TULP4: variants seen among roughly 807,000 people sequenced by gnomAD.
TULP4 encodes the protein TUB like protein 4, also known as tubby-related protein 4.
TULP4 carries 16 observed loss-of-function variants against 129.0 expected under a neutral mutation model. The ratio of observed to expected loss-of-function variants is 0.12; its 90% CI spans 0.08 to 0.19. TULP4 has a LOEUF of 0.19. TULP4 is among the 10% of genes least tolerant of loss of function. The probability of loss-of-function intolerance (pLI) is 1.00; values close to 1 mark genes in which losing one functional copy is unlikely to be tolerated. For synonymous variants in TULP4, 998 were observed against 854.0 expected (o/e 1.17, Z -2.94); for missense variants, 1,842 against 2,059.1 (o/e 0.89, Z 2.04).
intron 1 of TULP4, among the ~76,000 whole-genome samples, chr6:158,362,219 C>T (rs1228152564): frequency 6.6e-6 from 1 of 152,198 alleles, no homozygotes; most frequent in East Asian, 1.9e-4. Context: ...TCCAATATAT[C>T]CTGCAAAATG....
chr6:158,493,601 A>C lies in TULP4; in HGVS notation c.1660A>C (p.Lys554Gln). ...CAGCATTGAGGCCCGCAAGTCACCC[A>C]AGCTGCCCCGGGCTGCTCAGGAGCT... is the stretch of plus-strand genomic sequence containing the variant. ...RISIEARKSP[K>Q]LPRAAQELSR... The change falls in exon 10 of 14, where the codon AAG (lysine) becomes CAG (glutamine). Residue 554 changes from lysine to glutamine, a missense_variant. Physicochemically the swap from Lys to Gln is moderately conservative, Grantham distance 53. Coordinates refer to ENST00000367097, the MANE Select transcript of TULP4 (RefSeq NM_020245.5). This position sits in a 1 kb window ranked among gnomAD's most constrained non-coding sequence, Gnocchi z 4.4. 2 of 1,560,460 alleles carry C rather than the reference A, an allele frequency of 1.3e-6. No individual in the cohort carries two copies. Among genetic ancestry groups the C allele is most frequent in the South Asian group, 1.2e-5 (1 of 84,632 alleles).
chr6:158,233,513 G>C (rs1019112340), intron 1 of TULP4, among the ~76,000 whole-genome samples: 1 of 152,174 alleles, frequency 6.6e-6, no homozygotes, highest in Non-Finnish European at 1.5e-5. Flanking sequence ...AGACAAACCC[G>C]CTGGGAATGG....
chr6:158,476,817 A>G (rs1779831040), intron 6 of TULP4, among the ~76,000 whole-genome samples: 1 of 152,192 alleles, frequency 6.6e-6, no homozygotes. Flanking sequence ...TCAGTGGAGT[A>G]TTACGCATTC....
At chr6:158,246,415 C>T (rs1307206596) in intron 1 of TULP4, among the ~76,000 whole-genome samples, 4 of 151,790 alleles carry the variant, frequency 2.6e-5, no homozygotes, top group East Asian at 1.9e-4. Flanking sequence ...TGGCGTGAAC[C>T]CAGGAGGCGG....
intron 1 of TULP4, among the ~76,000 whole-genome samples, chr6:158,366,591 G>A (rs755913553): frequency 1.1e-4 from 16 of 152,312 alleles, no homozygotes; most frequent in Non-Finnish European, 1.8e-4. Context: ...TAACTGGGGT[G>A]TGCCTTTGGC....
chr6:158,276,358 G>A (rs1778646739), intron 1 of TULP4, among the ~76,000 whole-genome samples: 1 of 147,070 alleles, frequency 6.8e-6, no homozygotes, highest in Non-Finnish European at 1.5e-5. Context: ...AAGCTGGAGT[G>A]CAGTGGCATG....
chr6:158,450,607 G>C (rs181770290), intron 4 of TULP4, among the ~76,000 whole-genome samples: 25 of 152,192 alleles, frequency 1.6e-4, no homozygotes, highest in Admixed American at 2.6e-4. Flanking sequence ...TTCCTAATAG[G>C]ATACCAGCCT....
At chr6:158,300,112 G>T (rs1006127825) in intron 1 of TULP4, among the ~76,000 whole-genome samples, 2 of 152,126 alleles carry the variant, frequency 1.3e-5, no homozygotes, top group Non-Finnish European at 2.9e-5. Context: ...GTATGAAGGT[G>T]GTCTCTGACG....
At chr6:158,467,533 A>G (rs1296836623) in intron 6 of TULP4, among the ~76,000 whole-genome samples, 2 of 152,042 alleles carry the variant, frequency 1.3e-5, no homozygotes, top group African/African-American at 4.8e-5. Flanking sequence ...CACCCGCCTC[A>G]GCCTCCCAAA....
chr6:158,460,263 G>T (rs1439991736), intron 5 of TULP4, among the ~76,000 whole-genome samples: 1 of 152,154 alleles, frequency 6.6e-6, no homozygotes, highest in Non-Finnish European at 1.5e-5. Flanking sequence ...CATGAATAAG[G>T]GGTATTGTCA....
At chr6:158,273,384 C>T (rs1778583479) in intron 1 of TULP4, among the ~76,000 whole-genome samples, 1 of 152,148 alleles carries the variant, frequency 6.6e-6, no homozygotes, top group Admixed American at 6.5e-5. Context: ...CCACTAGAGC[C>T]TTTCCTCCAT....
Position 158,259,124 on chromosome 6 carries a change from A to G in TULP4, n.68+26821A>G, listed in dbSNP as rs543047476. ...GCGTGCCTGTAATCCCAGCTACTCG[A>G]GAGGCTGAGACAGGATAATCGCTTG... On this transcript the variant is annotated intron_variant and non_coding_transcript_variant, in intron 1 of 1. Coordinates refer to the TULP4 transcript ENST00000620026. Among the ~76,000 whole-genome samples the G allele has an allele frequency of 3.4e-4, 52 of 152,248 alleles. No individual in the cohort carries two copies. The South Asian group carries it at 0.011, about 31-fold the overall frequency.
At chr6:158,269,382 A>G (rs1778506285) in intron 1 of TULP4, among the ~76,000 whole-genome samples, 1 of 41,640 alleles carries the variant, frequency 2.4e-5, no homozygotes, top group African/African-American at 6.5e-5. Context: ...AGCATTTGTA[A>G]AAAAAAAAAA....
intron 1 of TULP4, among the ~76,000 whole-genome samples, chr6:158,376,354 A>G (rs996610960): frequency 6.6e-6 from 1 of 152,176 alleles, no homozygotes; most frequent in Non-Finnish European, 1.5e-5. Context: ...TCTGGTGCCT[A>G]CACTGGACAA....
intron 1 of TULP4, among the ~76,000 whole-genome samples, chr6:158,260,890 G>A (rs991396656): frequency 6.6e-6 from 1 of 151,126 alleles, no homozygotes; most frequent in African/African-American, 2.4e-5. Flanking sequence ...GCGCAATCTC[G>A]GCTCACTGCA....
intron 1 of TULP4, among the ~76,000 whole-genome samples, chr6:158,268,319 G>A (rs928269116): frequency 3.3e-5 from 5 of 152,160 alleles, no homozygotes; most frequent in Non-Finnish European, 7.3e-5. Context: ...AATTACAGGT[G>A]TGAGCCACTG....
chr6:158,297,254 A>C (rs1779051165), intron 1 of TULP4, among the ~76,000 whole-genome samples: 1 of 152,228 alleles, frequency 6.6e-6, no homozygotes, highest in Non-Finnish European at 1.5e-5. Flanking sequence ...GGCTCTCTGC[A>C]AGAAGAAAAA....
At chr6:158,453,789 G>A (rs1459974862) in intron 5 of TULP4, among the ~76,000 whole-genome samples, 1 of 111,038 alleles carries the variant, frequency 9.0e-6, no homozygotes, top group East Asian at 2.6e-4. Flanking sequence ...ACTCTGTCTC[G>A]GAAAAAAAAA....
At chr6:158,338,295 A>G (rs1780092205) in intron 1 of TULP4, among the ~76,000 whole-genome samples, 1 of 152,218 alleles carries the variant, frequency 6.6e-6, no homozygotes, top group Non-Finnish European at 1.5e-5. Flanking sequence ...TGCTGGAATT[A>G]TAGATGTGAG....
Sources: allele counts gnomAD v4.1 joint callset (sites outside exome capture counted in the v4.1 genomes callset), GRCh38; gene constraint gnomAD v4.1.1; non-coding constraint Gnocchi (gnomAD v3.1); transcripts MANE v1.5; gene names NCBI Gene and HGNC (gene_info 2026-07-23, HGNC 2026-07-21).